The following PRPF6 variants were observed in gnomAD, a reference collection of about 807,000 sequenced individuals.
The protein encoded by PRPF6 is pre-mRNA-processing factor 6.
PRPF6 carries 42 observed loss-of-function variants against 118.3 expected under a neutral mutation model. The ratio of observed to expected loss-of-function variants is 0.35; its 90% CI spans 0.28 to 0.46. The LOEUF (loss-of-function observed/expected upper bound fraction) is 0.46. Among genes scored for constraint, PRPF6 ranks in the 20% least tolerant of loss-of-function variants. The probability of loss-of-function intolerance (pLI) is 1.00; values close to 1 mark genes in which losing one functional copy is unlikely to be tolerated. For missense variants in PRPF6, 662 were observed against 1,255.7 expected (o/e 0.53, Z 7.15); for synonymous variants, 481 against 485.1 (o/e 0.99, Z 0.11).
chr20:64,011,220 G>T lies in PRPF6; in HGVS notation c.1306-65G>T. ...GGCCAACGCTGGAGGGTGGGTCGCT[G>T]TCTGGCCTGCAGCTGTCCCCCCAGC... On this transcript the variant is annotated intron_variant, in intron 10 of 20. Coordinates refer to ENST00000266079, the MANE Select transcript of PRPF6 (RefSeq NM_012469.4). This position sits in a 1 kb window ranked among gnomAD's most constrained non-coding sequence, Gnocchi z 6.7. 3.3e-6 allele frequency: 5 copies of T among 1,515,084 alleles called. No individual in the cohort carries two copies. Among genetic ancestry groups the T allele is most frequent in the Non-Finnish European group, 4.6e-6 (5 of 1,096,448 alleles). 93.9% of individuals were successfully genotyped at this position (1,515,084 alleles called of 1,614,324 possible).
rs570280769 is a variant in PRPF6, at chr20:63,981,197, T to C, written c.-49T>C. 129 of 1,556,912 alleles carry C rather than the reference T, an allele frequency of 8.3e-5. No homozygotes were observed. Among genetic ancestry groups the C allele is most frequent in the Admixed American group, 5.4e-4 (29 of 53,524 alleles). ...CCTAGAGTCTCTGCGTCTTTCCCTCTTCCGCTGCCTCATTCCTTTCCTTCC... is the reference window on the plus strand; with the variant it reads ...CCTAGAGTCTCTGCGTCTTTCCCTCCTCCGCTGCCTCATTCCTTTCCTTCC... On this transcript the variant is annotated 5_prime_UTR_variant, in exon 1 of 21. Transcript: ENST00000266079.
Position 64,029,891 on chromosome 20 carries a change from C to T in PRPF6, c.2546+400C>T, listed in dbSNP as rs1485144532. On this transcript the variant is annotated intron_variant, in intron 19 of 20. Transcript: ENST00000266079. The surrounding 1 kb of genome is among the most constrained non-coding windows in gnomAD (Gnocchi z 4.8). ...CATGTGATTCACACTGGTGCGCTGG[C>T]CGCCGGGTCAGAGACTCACTGGGGA... 4.7e-5 allele frequency among the ~76,000 whole-genome samples: 7 copies of T among 148,978 alleles called. No homozygotes were observed. Among genetic ancestry groups the T allele is most frequent in the African/African-American group, 1.0e-4 (4 of 40,074 alleles).
intron 2 of PRPF6, among the ~76,000 whole-genome samples, chr20:63,983,899 C>A (rs947316485): frequency 1.3e-5 from 2 of 152,152 alleles, no homozygotes; most frequent in African/African-American, 4.8e-5. Context: ...GTTGTCCGCA[C>A]GCTTCGGCTT....
At chr20:64,023,793 G>T (rs961095362) in intron 13 of PRPF6, among the ~76,000 whole-genome samples, 1 of 152,178 alleles carries the variant, frequency 6.6e-6, no homozygotes, top group Non-Finnish European at 1.5e-5. Flanking sequence ...AGGTCTCTCG[G>T]CCCGTGACCT....
chr20:63,985,067 A>T (rs1280323542), intron 3 of PRPF6, 42 bp downstream of exon 3: 1 of 1,552,162 alleles, frequency 6.4e-7, no homozygotes, highest in Non-Finnish European at 8.8e-7. Context: ...ATCCAAGTTT[A>T]AAAAAAAGTT....
intron 12 of PRPF6, among the ~76,000 whole-genome samples, chr20:64,022,369 G>A (rs183805968): frequency 2.0e-5 from 3 of 152,274 alleles, no homozygotes; most frequent in East Asian, 1.9e-4. Flanking sequence ...GTGCAGTGGC[G>A]TGATCTCGGC....
chr20:64,022,392 T>G (rs1388925010), intron 12 of PRPF6, among the ~76,000 whole-genome samples: 2 of 152,084 alleles, frequency 1.3e-5, no homozygotes, highest in African/African-American at 4.8e-5. Context: ...ACTGCAACCT[T>G]TGCCTTCTGG....
At position 63,999,748 on chromosome 20, in the gene PRPF6, A is replaced by T; in HGVS notation, c.1012A>T (p.Met338Leu). The change falls in exon 8 of 21, where the codon ATG (methionine) becomes TTG (leucine). Residue 338 changes from methionine to leucine, a missense_variant. By Grantham distance (15) the Met-to-Leu change is conservative. Around this residue, in one of 10 missense-constraint regions of PRPF6, gnomAD observed 71 missense variants for 166.4 expected, o/e 0.43. Transcript: ENST00000266079. ...GAACCTTATCATGAAGGGGACGGAG[A>T]TGTGCCCCAAGGTGAGGTATTTCCT... is the stretch of plus-strand genomic sequence containing the variant. ...ARNLIMKGTE[M>L]CPKSEDVWLE... 2 of 1,614,128 alleles carry T rather than the reference A, an allele frequency of 1.2e-6. No individual in the cohort carries two copies. Among genetic ancestry groups the T allele is most frequent in the East Asian group, 2.2e-5 (1 of 44,884 alleles).
Position 64,029,556 on chromosome 20 carries a change from G to A in PRPF6, c.2546+65G>A. ...CTAATGGGCTCTTTTTCCAGAGTCTGTCTGCCTCTTCCTGGTCATTGTAAA... is the reference window on the plus strand; with the variant it reads ...CTAATGGGCTCTTTTTCCAGAGTCTATCTGCCTCTTCCTGGTCATTGTAAA... On this transcript the variant is annotated intron_variant, in intron 19 of 20. Coordinates refer to ENST00000266079, the MANE Select transcript of PRPF6 (RefSeq NM_012469.4). This position sits in a 1 kb window ranked among gnomAD's most constrained non-coding sequence, Gnocchi z 4.8. The A allele has an allele frequency of 7.4e-7, 1 of 1,358,212 alleles. No individual in the cohort carries two copies. The highest frequency in any genetic ancestry group is 1.7e-5 in the Admixed American group (1 of 58,856). 84.1% of individuals were successfully genotyped at this position (1,358,212 alleles called of 1,614,324 possible).
At chr20:63,998,789 C>T (rs984393206) in intron 6 of PRPF6, among the ~76,000 whole-genome samples, 1 of 151,094 alleles carries the variant, frequency 6.6e-6, no homozygotes, top group Non-Finnish European at 1.5e-5. Flanking sequence ...TTGCAGTGAG[C>T]CGAGATTGCA....
At chr20:63,985,402 A>G (rs2059088854) in intron 3 of PRPF6, among the ~76,000 whole-genome samples, 1 of 152,090 alleles carries the variant, frequency 6.6e-6, no homozygotes, top group Non-Finnish European at 1.5e-5. Context: ...GAAAAGTTGC[A>G]ATAGAGTATG....
chr20:63,996,263 C>T (rs535632839), intron 6 of PRPF6, among the ~76,000 whole-genome samples: 36 of 152,240 alleles, frequency 2.4e-4, no homozygotes, highest in African/African-American at 7.0e-4. Context: ...TGCTTGAACC[C>T]GGGCGTTGGA....
intron 11 of PRPF6, among the ~76,000 whole-genome samples, chr20:64,014,628 C>T (rs1016203096): frequency 2.0e-5 from 3 of 152,092 alleles, no homozygotes; most frequent in South Asian, 2.1e-4. Flanking sequence ...CACTGTACTC[C>T]AGCCTGGGCA....
At chr20:63,989,559 C>G (rs928520216) in intron 3 of PRPF6, among the ~76,000 whole-genome samples, 8 of 147,952 alleles carry the variant, frequency 5.4e-5, no homozygotes, top group African/African-American at 2.1e-4. Flanking sequence ...GGCTCATTTC[C>G]TCTTTCTGTT....
chr20:64,031,953 G>A lies in PRPF6; in HGVS notation c.2582G>A (p.Arg861Lys). ...AGTCAGCGGAAGATCACCAAGGCCA[G>A]GGAGTGGTTCCACCGCACTGTGAAG... ...FWSQRKITKA[R>K]EWFHRTVKID... The change falls in exon 20 of 21, where the codon AGG (arginine) becomes AAG (lysine). Residue 861 changes from arginine (R) to lysine (K), a missense_variant. Physicochemically the swap from Arg to Lys is conservative, Grantham distance 26. This residue lies in a region of PRPF6 where 244 missense variants were observed against 383.7 expected (regional missense o/e 0.64). Coordinates refer to ENST00000266079, the MANE Select transcript of PRPF6 (RefSeq NM_012469.4). 6.8e-6 allele frequency: 11 copies of A among 1,614,202 alleles called. No individual in the cohort carries two copies. Among genetic ancestry groups the A allele is most frequent in the Admixed American group, 1.7e-5 (1 of 60,032 alleles).
chr20:64,029,467 C>A lies in PRPF6; in HGVS notation c.2522C>A (p.Pro841His). Residue 841 changes from proline (P) to histidine (H), a missense_variant, in exon 19 of 21, where the codon CCC (proline) becomes CAC (histidine). Around this residue, in one of 10 missense-constraint regions of PRPF6, gnomAD observed 244 missense variants for 383.7 expected, o/e 0.64. Transcript: ENST00000266079. This position sits in a 1 kb window ranked among gnomAD's most constrained non-coding sequence, Gnocchi z 4.8. ...GCCCTGAAGAAGTGTGAGCATGACC[C>A]CCATGTGCTCCTGGCCGTGGCCAAG... ...VDALKKCEHD[P>H]HVLLAVAKLF... is the part of the protein sequence containing the mutation. 6.2e-7 allele frequency: 1 copy of A among 1,614,160 alleles called. No individual in the cohort carries two copies. Among genetic ancestry groups the A allele is most frequent in the Non-Finnish European group, 8.5e-7 (1 of 1,180,042 alleles).
At chr20:63,984,178 T>C (rs2059083563) in intron 2 of PRPF6, among the ~76,000 whole-genome samples, 1 of 152,114 alleles carries the variant, frequency 6.6e-6, no homozygotes, top group Non-Finnish European at 1.5e-5. Context: ...CCTGGCACTT[T>C]TGGAGGCCGA....
chr20:64,021,961 A>G (rs1286509718), intron 12 of PRPF6, among the ~76,000 whole-genome samples: 1 of 126,524 alleles, frequency 7.9e-6, no homozygotes, highest in African/African-American at 3.3e-5. Flanking sequence ...GTGTGTGTGC[A>G]CGTATGCATA....
At chr20:63,999,527 T>C in intron 7 of PRPF6, 76 bp from the exon 8 acceptor site, 3 of 1,556,580 alleles carry the variant, frequency 1.9e-6, no homozygotes, top group Non-Finnish European at 2.7e-6. Flanking sequence ...GACTGTGAAG[T>C]GGGTGCCCTC....
Sources: allele counts gnomAD v4.1 joint callset (sites outside exome capture counted in the v4.1 genomes callset), GRCh38; gene constraint gnomAD v4.1.1; regional missense constraint gnomAD v4.1.1; non-coding constraint Gnocchi (gnomAD v3.1); transcripts MANE v1.5; gene names NCBI Gene and HGNC (gene_info 2026-07-23, HGNC 2026-07-21).